Variants in SPATA16 observed in about 807,000 individuals in gnomAD.
SPATA16 encodes the protein spermatogenesis associated 16, also known as spermatogenesis-associated protein 16.
Under a neutral mutation model 63.3 loss-of-function variants are expected in SPATA16, and 36 were observed. The ratio of observed to expected loss-of-function variants is 0.57; its 90% CI spans 0.44 to 0.75. The LOEUF (loss-of-function observed/expected upper bound fraction) is 0.75, where lower values mean the gene tolerates loss of function less well. Among genes scored for constraint, SPATA16 ranks in the 30% least tolerant of loss-of-function variants. SPATA16 has a pLI of 0.00. For missense variants in SPATA16, 646 were observed against 679.3 expected (o/e 0.95, Z 0.54); for synonymous variants, 203 against 216.7 (o/e 0.94, Z 0.56).
At chr3:173,038,878 A>G (rs1385946820) in intron 3 of SPATA16, among the ~76,000 whole-genome samples, 1 of 152,126 alleles carries the variant, frequency 6.6e-6, no homozygotes, top group East Asian at 1.9e-4. Flanking sequence ...GACACCTTTC[A>G]CAAGTGTTGA....
At chr3:173,004,711 AAAC>A (rs752626591) in intron 4 of SPATA16, among the ~76,000 whole-genome samples, 3 of 152,212 alleles carry the variant, frequency 2.0e-5, no homozygotes, top group Non-Finnish European at 4.4e-5. Flanking sequence ...ACAATAACAA[AAAC>A]AACGACAATA....
intron 1 of SPATA16, among the ~76,000 whole-genome samples, chr3:173,121,590 C>T (rs987537728): frequency 1.3e-5 from 2 of 151,748 alleles, no homozygotes; most frequent in African/African-American, 2.4e-5. Flanking sequence ...TGAATTTTTT[C>T]TTCCAATAAA....
At chr3:173,035,781 AT>A (rs1179135974) in intron 3 of SPATA16, among the ~76,000 whole-genome samples, 1 of 151,936 alleles carries the variant, frequency 6.6e-6, no homozygotes, top group African/African-American at 2.4e-5. Flanking sequence ...CATGAGGTAA[AT>A]TTTCATAATA....
At chr3:173,108,833 A>T (rs926838211) in intron 2 of SPATA16, among the ~76,000 whole-genome samples, 1 of 152,206 alleles carries the variant, frequency 6.6e-6, no homozygotes, top group African/African-American at 2.4e-5. Flanking sequence ...TCAGTACAAT[A>T]ACATGCTTCA....
At chr3:173,013,719 T>C (rs1040951788) in intron 4 of SPATA16, among the ~76,000 whole-genome samples, 2 of 152,220 alleles carry the variant, frequency 1.3e-5, no homozygotes, top group African/African-American at 2.4e-5. Flanking sequence ...GGCACCCAGG[T>C]AGCTGTAACT....
At position 173,052,387 on chromosome 3, in the gene SPATA16, G is replaced by A. The variant is rs368444851; in HGVS notation, c.613-3293C>T. Among the ~76,000 whole-genome samples the A allele has an allele frequency of 9.2e-5, 14 of 152,244 alleles. 1 individual carries two copies. The highest frequency in any genetic ancestry group is 2.6e-4 in the Admixed American group (4 of 15,292). ...AGACCAGGATAATTTTTCAATTCATGTTAAAATCAGAAAATAGGCAGCCTG... is the reference window on the plus strand; with the variant it reads ...AGACCAGGATAATTTTTCAATTCATATTAAAATCAGAAAATAGGCAGCCTG... On this transcript the variant is annotated intron_variant, in intron 2 of 10. Transcript: ENST00000351008.
chr3:173,061,266 A>G (rs1366922952), intron 2 of SPATA16, among the ~76,000 whole-genome samples: 1 of 152,226 alleles, frequency 6.6e-6, no homozygotes, highest in East Asian at 1.9e-4. Flanking sequence ...TAGCACTGAG[A>G]GCCTCAGATA....
At chr3:172,930,640 G>C (rs1732850612) in intron 6 of SPATA16, among the ~76,000 whole-genome samples, 1 of 134,632 alleles carries the variant, frequency 7.4e-6, no homozygotes, top group South Asian at 2.5e-4. Flanking sequence ...CTCCCTGCAA[G>C]CTCCACCTCC....
At chr3:172,929,022 C>T (rs925703895) in intron 6 of SPATA16, among the ~76,000 whole-genome samples, 2 of 152,126 alleles carry the variant, frequency 1.3e-5, no homozygotes, top group Non-Finnish European at 2.9e-5. Context: ...TAAACCTCTA[C>T]CTGTGTCCGA....
At chr3:172,947,694 C>T (rs749787595) in intron 6 of SPATA16, among the ~76,000 whole-genome samples, 7 of 152,034 alleles carry the variant, frequency 4.6e-5, no homozygotes, top group East Asian at 3.9e-4. Flanking sequence ...AACCAAACAC[C>T]GCACGTTCTC....
intron 3 of SPATA16, among the ~76,000 whole-genome samples, chr3:173,025,989 A>T (rs1393135081): frequency 2.0e-5 from 3 of 151,836 alleles, no homozygotes; most frequent in African/African-American, 7.2e-5. Context: ...TTTGTGAGAA[A>T]CTCCTAAACG....
At chr3:173,064,505 C>G (rs530559147) in intron 2 of SPATA16, among the ~76,000 whole-genome samples, 1 of 151,980 alleles carries the variant, frequency 6.6e-6, no homozygotes, top group Non-Finnish European at 1.5e-5. Context: ...CAAAACAGAC[C>G]ACTCAAAAAC....
At chr3:172,908,958 C>T (rs542680440) in intron 10 of SPATA16, among the ~76,000 whole-genome samples, 1 of 152,234 alleles carries the variant, frequency 6.6e-6, no homozygotes, top group South Asian at 2.1e-4. Flanking sequence ...TGTAGAGTCA[C>T]ATTAACCAAA....
chr3:173,086,787 A>G (rs948252931), intron 2 of SPATA16, among the ~76,000 whole-genome samples: 5 of 151,988 alleles, frequency 3.3e-5, no homozygotes, highest in African/African-American at 9.7e-5. Context: ...CCTTAATTTC[A>G]TTATTTAAGA....
intron 2 of SPATA16, among the ~76,000 whole-genome samples, chr3:173,090,518 C>T (rs1296698879): frequency 6.6e-6 from 1 of 152,158 alleles, no homozygotes; most frequent in Non-Finnish European, 1.5e-5. Flanking sequence ...CTGCATCACC[C>T]TGAGATCAGA....
At chr3:173,076,195 G>A (rs545362285) in intron 2 of SPATA16, among the ~76,000 whole-genome samples, 121 of 152,042 alleles carry the variant, frequency 8.0e-4, no homozygotes, top group African/African-American at 2.5e-3. Flanking sequence ...TTTTAAGTTC[G>A]CGAAATCAGG....
intron 4 of SPATA16, among the ~76,000 whole-genome samples, chr3:172,985,024 G>C (rs918524966): frequency 8.5e-5 from 13 of 152,110 alleles, no homozygotes; most frequent in Admixed American, 8.5e-4. Context: ...GACGCCTGAG[G>C]CTAATTTCAT....
chr3:172,984,735 T>C (rs1393022085), intron 4 of SPATA16, among the ~76,000 whole-genome samples: 2 of 152,186 alleles, frequency 1.3e-5, no homozygotes, highest in Non-Finnish European at 2.9e-5. Flanking sequence ...AAGTAATTGA[T>C]GGGAATTTTT....
chr3:173,071,406 G>A (rs918976618), intron 2 of SPATA16, among the ~76,000 whole-genome samples: 2 of 152,086 alleles, frequency 1.3e-5, no homozygotes, highest in Non-Finnish European at 2.9e-5. Flanking sequence ...TCTGGACAAA[G>A]ACTGAGTAAG....
Sources: allele counts gnomAD v4.1 joint callset (sites outside exome capture counted in the v4.1 genomes callset), GRCh38; gene constraint gnomAD v4.1.1; transcripts MANE v1.5; gene names NCBI Gene and HGNC (gene_info 2026-07-23, HGNC 2026-07-21).